The following PLCL2 variants were observed in gnomAD, a reference collection of about 807,000 sequenced individuals.
The protein encoded by PLCL2 is inactive phospholipase C-like protein 2.
In PLCL2, 4 loss-of-function variants were observed where a neutral mutation model predicts 79.6. The observed-to-expected ratio is 0.05, with a 90% CI of 0.02 to 0.11. PLCL2 has a LOEUF of 0.11. Among genes scored for constraint, PLCL2 ranks in the 10% least tolerant of loss-of-function variants. PLCL2 has a pLI of 1.00. For missense variants in PLCL2, 895 were observed against 1,291.0 expected (o/e 0.69, Z 4.70); for synonymous variants, 484 against 457.7 (o/e 1.06, Z -0.73).
intron 1 of PLCL2, among the ~76,000 whole-genome samples, chr3:16,897,684 G>A (rs1696515391): frequency 6.6e-6 from 1 of 152,214 alleles, no homozygotes; most frequent in East Asian, 1.9e-4. Flanking sequence ...ATCTGGTGAT[G>A]CTCCAGTGCT....
intron 5 of PLCL2, among the ~76,000 whole-genome samples, chr3:17,084,822 A>G (rs2065200437): frequency 6.6e-6 from 1 of 152,242 alleles, no homozygotes; most frequent in Non-Finnish European, 1.5e-5. Flanking sequence ...CTTACATCAT[A>G]TTTAAAGGTG....
intron 3 of PLCL2, 71 bp from the exon 4 acceptor site, chr3:17,042,803 G>A: frequency 2.8e-6 from 3 of 1,059,210 alleles, no homozygotes; most frequent in Non-Finnish European, 4.4e-6. Flanking sequence ...TAGGAGAAGA[G>A]CCTTGTGCAT....
rs137867993 is a variant in PLCL2 at position 17,072,500 on chromosome 3, C to G, written c.3204+4435C>G. The stretch of plus-strand genomic sequence containing the variant: ...CCTGGCCAACATGACGAAACCCCGT[C>G]TCTACTGAAAATACAAAAATTAGTT... On this transcript the variant is annotated intron_variant, in intron 5 of 5. Coordinates refer to ENST00000615277, the MANE Select transcript of PLCL2 (RefSeq NM_001144382.2). Among the ~76,000 whole-genome samples, 507 of 152,060 alleles carry G rather than the reference C, an allele frequency of 3.3e-3. 3 individuals are homozygous for G. The highest frequency in any genetic ancestry group is 0.012 in the African/African-American group (478 of 41,490).
chr3:16,996,791 T>C (rs1422090935), intron 1 of PLCL2, among the ~76,000 whole-genome samples: 1 of 152,200 alleles, frequency 6.6e-6, no homozygotes, highest in Non-Finnish European at 1.5e-5. Context: ...CATTTGAACA[T>C]TGACTGGTAT....
At position 16,886,955 on chromosome 3, in the gene PLCL2, T is replaced by C. The variant is rs1696240603; in HGVS notation, c.327+1589T>C. Among the ~76,000 whole-genome samples, 1 of 152,236 alleles carries C rather than the reference T, an allele frequency of 6.6e-6. No homozygotes were observed. The highest frequency in any genetic ancestry group is 6.5e-5 in the Admixed American group (1 of 15,290). Reference sequence around the variant, plus strand: ...TCTTTTAATTGTTTTGAATACTTGTTTTTGCATTAAAAAATCAAACTTTAT... The same window carrying C: ...TCTTTTAATTGTTTTGAATACTTGTCTTTGCATTAAAAAATCAAACTTTAT... On this transcript the variant is annotated intron_variant, in intron 1 of 5. Coordinates refer to ENST00000615277, the MANE Select transcript of PLCL2 (RefSeq NM_001144382.2). This position sits in a 1 kb window ranked among gnomAD's most constrained non-coding sequence, Gnocchi z 4.2.
At chr3:17,056,419 G>A (rs1204161774) in intron 4 of PLCL2, among the ~76,000 whole-genome samples, 1 of 151,998 alleles carries the variant, frequency 6.6e-6, no homozygotes, top group Non-Finnish European at 1.5e-5. Context: ...AAATTCTATG[G>A]TCTACAAATC....
At chr3:16,980,210 T>G (rs1575567834) in intron 1 of PLCL2, among the ~76,000 whole-genome samples, 3 of 102,616 alleles carry the variant, frequency 2.9e-5, no homozygotes. Flanking sequence ...CACTTCCCAG[T>G]AGGGGTGGCC....
chr3:16,957,409 T>C (rs1460381757), intron 1 of PLCL2, among the ~76,000 whole-genome samples: 1 of 152,232 alleles, frequency 6.6e-6, no homozygotes, highest in Admixed American at 6.5e-5. Context: ...TGTTATAATT[T>C]CTGTTCTTTT....
intron 1 of PLCL2, among the ~76,000 whole-genome samples, chr3:17,000,289 G>T (rs1299809200): frequency 2.0e-5 from 3 of 152,204 alleles, no homozygotes; most frequent in South Asian, 2.1e-4. Flanking sequence ...TAATCCATCT[G>T]AACTAGAATT....
chr3:17,068,915 G>A (rs2065035050), intron 5 of PLCL2, among the ~76,000 whole-genome samples: 1 of 152,064 alleles, frequency 6.6e-6, no homozygotes, highest in Non-Finnish European at 1.5e-5. Flanking sequence ...TCCAGGTCTT[G>A]GACAATTAAT....
intron 3 of PLCL2, among the ~76,000 whole-genome samples, chr3:17,029,949 G>T (rs556441839): frequency 1.3e-5 from 2 of 152,290 alleles, no homozygotes; most frequent in Admixed American, 1.3e-4. Context: ...AATAAGAACA[G>T]TGGTATATTC....
chr3:16,913,564 TTTAAA>T, intron 1 of PLCL2, among the ~76,000 whole-genome samples: 1 of 152,246 alleles, frequency 6.6e-6, no homozygotes, highest in Non-Finnish European at 1.5e-5. Flanking sequence ...ATTATATCAT[TTTAAA>T]TTATAGATTT....
At chr3:17,015,638 C>T (rs983777846) in intron 3 of PLCL2, among the ~76,000 whole-genome samples, 7 of 151,906 alleles carry the variant, frequency 4.6e-5, no homozygotes, top group Admixed American at 2.6e-4. Context: ...GTGTTGGACA[C>T]TCCCCTCCCA....
At chr3:17,056,703 A>G (rs1183356489) in intron 4 of PLCL2, among the ~76,000 whole-genome samples, 2 of 152,196 alleles carry the variant, frequency 1.3e-5, no homozygotes, top group Admixed American at 6.5e-5. Flanking sequence ...ATGACAAGTT[A>G]TTATACTAAT....
intron 1 of PLCL2, among the ~76,000 whole-genome samples, chr3:16,889,076 G>A (rs879333360): frequency 4.0e-5 from 6 of 151,878 alleles, no homozygotes; most frequent in Admixed American, 2.0e-4. Context: ...TAGGAAATTC[G>A]GCCATTACCT....
At chr3:16,912,038 G>A (rs185043471) in intron 1 of PLCL2, among the ~76,000 whole-genome samples, 112 of 152,234 alleles carry the variant, frequency 7.4e-4, no homozygotes, top group Non-Finnish European at 1.6e-3. Context: ...TTAGGTATAT[G>A]CAAATATTCC....
chr3:17,018,023 A>G (rs2064405799), intron 3 of PLCL2, among the ~76,000 whole-genome samples: 1 of 152,148 alleles, frequency 6.6e-6, no homozygotes, highest in Admixed American at 6.5e-5. Flanking sequence ...TCAAGAAGAC[A>G]GGTATCAGAG....
chr3:16,998,943 T>C (rs2064180309), intron 1 of PLCL2, among the ~76,000 whole-genome samples: 1 of 152,200 alleles, frequency 6.6e-6, no homozygotes, highest in African/African-American at 2.4e-5. Context: ...TTATCCACAT[T>C]GCAAATAACA....
chr3:16,892,876 C>T (rs1399254015), intron 1 of PLCL2, among the ~76,000 whole-genome samples: 1 of 152,170 alleles, frequency 6.6e-6, no homozygotes, highest in Non-Finnish European at 1.5e-5. Context: ...AGAGGCAAAG[C>T]CAGCATTCTG....
Sources: allele counts gnomAD v4.1 joint callset (sites outside exome capture counted in the v4.1 genomes callset), GRCh38; gene constraint gnomAD v4.1.1; non-coding constraint Gnocchi (gnomAD v3.1); transcripts MANE v1.5; gene names NCBI Gene and HGNC (gene_info 2026-07-23, HGNC 2026-07-21).